SMYD3: variants seen among roughly 807,000 people sequenced by gnomAD.
SMYD3 encodes SET and MYND domain containing 3, also known as histone-lysine N-methyltransferase SMYD3.
SMYD3 carries 36 observed loss-of-function variants against 57.7 expected under a neutral mutation model. The observed-to-expected ratio is 0.62, with a 90% CI of 0.48 to 0.82. The LOEUF is 0.82. Among genes scored for constraint, SMYD3 ranks in the 40% least tolerant of loss-of-function variants. SMYD3 has a pLI of 0.00. For synonymous variants in SMYD3, 211 were observed against 195.0 expected (o/e 1.08, Z -0.68); for missense variants, 515 against 538.8 (o/e 0.96, Z 0.44).
At chr1:245,782,173 CTTAA>C (rs1477967417) in intron 10 of SMYD3, among the ~76,000 whole-genome samples, 2 of 152,242 alleles carry the variant, frequency 1.3e-5, no homozygotes, top group South Asian at 2.1e-4. Flanking sequence ...ATTTCCTATG[CTTAA>C]TTAGAGAATC....
intron 5 of SMYD3, among the ~76,000 whole-genome samples, chr1:246,279,569 T>C (rs1266849002): frequency 6.6e-6 from 1 of 152,118 alleles, no homozygotes. Context: ...AATGGTTATG[T>C]GCATGGGGTT....
At chr1:246,359,441 G>A (rs2065955750) in intron 1 of SMYD3, among the ~76,000 whole-genome samples, 1 of 152,132 alleles carries the variant, frequency 6.6e-6, no homozygotes, top group Admixed American at 6.5e-5. Flanking sequence ...AGAGAAAAAG[G>A]GAATCCTCCT....
chr1:245,848,103 C>CTTTTT (rs35906120), intron 10 of SMYD3, among the ~76,000 whole-genome samples: 2 of 147,902 alleles, frequency 1.4e-5, no homozygotes. Flanking sequence ...GAGATAAAGT[C>CTTTTT]TTTTTTTTTT....
At chr1:245,956,772 C>T (rs2057857727) in intron 5 of SMYD3, among the ~76,000 whole-genome samples, 1 of 152,206 alleles carries the variant, frequency 6.6e-6, no homozygotes, top group Non-Finnish European at 1.5e-5. Context: ...CCTTCCTTGC[C>T]TGCCAGCGAA....
chr1:245,783,673 C>T, intron 10 of SMYD3, among the ~76,000 whole-genome samples: 1 of 152,122 alleles, frequency 6.6e-6, no homozygotes, highest in East Asian at 1.9e-4. Flanking sequence ...ATTTCTAGAT[C>T]TAATAAGTGA....
chr1:246,255,927 AAGAT>A (rs55974041), intron 5 of SMYD3, among the ~76,000 whole-genome samples: 27,049 of 120,536 alleles, frequency 0.22, 2,641 homozygotes, highest in Middle Eastern at 0.26. Flanking sequence ...CATAACTAAT[AAGAT>A]AGATAGATAG....
chr1:246,005,553 C>T (rs1012205193), intron 5 of SMYD3, among the ~76,000 whole-genome samples: 1 of 152,218 alleles, frequency 6.6e-6, no homozygotes, highest in Non-Finnish European at 1.5e-5. Flanking sequence ...TCAAAACTCC[C>T]TTGGTATGTC....
chr1:245,985,405 C>T (rs1050543441), intron 5 of SMYD3, among the ~76,000 whole-genome samples: 1 of 152,130 alleles, frequency 6.6e-6, no homozygotes. Flanking sequence ...AAAAGTGAAC[C>T]CATTAATTTC....
At chr1:246,224,709 G>C (rs1224754700) in intron 5 of SMYD3, among the ~76,000 whole-genome samples, 1 of 152,000 alleles carries the variant, frequency 6.6e-6, no homozygotes, top group Non-Finnish European at 1.5e-5. Context: ...GACTATACTG[G>C]TGGCAAAGAA....
chr1:246,150,472 T>C (rs2061923873), intron 5 of SMYD3, among the ~76,000 whole-genome samples: 1 of 152,254 alleles, frequency 6.6e-6, no homozygotes, highest in South Asian at 2.1e-4. Flanking sequence ...TCCCATTCTG[T>C]AATCAGGCCT....
At chr1:246,000,494 C>G (rs1308247940) in intron 5 of SMYD3, among the ~76,000 whole-genome samples, 1 of 152,118 alleles carries the variant, frequency 6.6e-6, no homozygotes, top group African/African-American at 2.4e-5. Context: ...CCATTTCTCT[C>G]TAGAATGTCC....
At chr1:246,343,932 T>C (rs959799407) in intron 2 of SMYD3, among the ~76,000 whole-genome samples, 6 of 152,236 alleles carry the variant, frequency 3.9e-5, no homozygotes, top group African/African-American at 1.2e-4. Context: ...AACTACTTAC[T>C]TGAAATATAA....
intron 10 of SMYD3, among the ~76,000 whole-genome samples, chr1:245,818,042 G>C (rs571054448): frequency 8.5e-5 from 13 of 152,112 alleles, no homozygotes; most frequent in African/African-American, 1.2e-4. Context: ...AGGAAATACA[G>C]AGAACGCCAC....
At chr1:246,137,123 G>A (rs1055965416) in intron 5 of SMYD3, among the ~76,000 whole-genome samples, 3 of 152,068 alleles carry the variant, frequency 2.0e-5, no homozygotes, top group South Asian at 2.1e-4. Context: ...TATAAGTCAC[G>A]TGCTGTAATA....
chr1:246,158,654 T>C (rs1271307668), intron 5 of SMYD3, among the ~76,000 whole-genome samples: 1 of 152,190 alleles, frequency 6.6e-6, no homozygotes, highest in African/African-American at 2.4e-5. Flanking sequence ...AATTTATTGA[T>C]GTGAATTATA....
intron 5 of SMYD3, among the ~76,000 whole-genome samples, chr1:245,977,643 C>T (rs1386921969): frequency 6.6e-6 from 1 of 152,200 alleles, no homozygotes; most frequent in Non-Finnish European, 1.5e-5. Context: ...CGTGCCACTG[C>T]ATTCCAGCCT....
chr1:246,423,850 CTT>C (rs2067181702), intron 1 of SMYD3, among the ~76,000 whole-genome samples: 1 of 152,184 alleles, frequency 6.6e-6, no homozygotes, highest in East Asian at 1.9e-4. Context: ...ACTGTAGAAA[CTT>C]TGCCACAGAA....
At position 246,106,888 on chromosome 1, in the gene SMYD3, C is replaced by T. The variant is rs555723974; in HGVS notation, c.532-176951G>A. On this transcript the variant is annotated intron_variant, in intron 5 of 11. Coordinates refer to ENST00000490107, the MANE Select transcript of SMYD3 (RefSeq NM_001167740.2). ...GGGACTTGTATAGATTCCTTAAACT[C>T]TCCGAAACACTGTTCTCAACAGCAA... Among the ~76,000 whole-genome samples, 15 of 152,280 alleles carry T rather than the reference C, an allele frequency of 9.9e-5. No individual in the cohort carries two copies. In the South Asian group the frequency reaches 3.1e-3, roughly 32 times the overall value.
At chr1:246,447,836 C>T (rs2067571437) in intron 1 of SMYD3, among the ~76,000 whole-genome samples, 1 of 152,178 alleles carries the variant, frequency 6.6e-6, no homozygotes, top group Admixed American at 6.5e-5. Flanking sequence ...AAGAGAATTG[C>T]TTTCCTCCCA....
Sources: allele counts gnomAD v4.1 joint callset (sites outside exome capture counted in the v4.1 genomes callset), GRCh38; gene constraint gnomAD v4.1.1; transcripts MANE v1.5; gene names NCBI Gene and HGNC (gene_info 2026-07-23, HGNC 2026-07-21).